The following CMTM6 variants were observed in gnomAD, a reference collection of about 807,000 sequenced individuals.
CMTM6 encodes CKLF-like MARVEL transmembrane domain-containing protein 6.
In CMTM6, 5 loss-of-function variants were observed where a neutral mutation model predicts 13.6. The ratio of observed to expected loss-of-function variants is 0.37; its 90% CI spans 0.19 to 0.77. CMTM6 has a LOEUF of 0.77. Among genes scored for constraint, CMTM6 ranks in the 30% least tolerant of loss-of-function variants. CMTM6 has a pLI of 0.50. For synonymous variants in CMTM6, 99 were observed against 84.5 expected, an observed-to-expected ratio of 1.17 and a Z score of -0.94; for missense variants, 196 against 218.6, an observed-to-expected ratio of 0.90 and a Z score of 0.65.
chr3:32,490,199 T>C lies in CMTM6; in HGVS notation c.315+1511A>G, dbSNP rs558051841. ...AGGTGGAAGATGCAGTGAGCTGCTA[T>C]TGCGCCACTGCACTCCAGCCTGGGT... On this transcript the variant is annotated intron_variant, in intron 2 of 3. Transcript: ENST00000205636. Among the ~76,000 whole-genome samples, 4 of 152,020 alleles carry C rather than the reference T, an allele frequency of 2.6e-5. No individual in the cohort carries two copies. The South Asian group carries it at 8.3e-4, about 32-fold the overall frequency.
At chr3:32,491,112 T>C (rs1697246953) in intron 2 of CMTM6, among the ~76,000 whole-genome samples, 1 of 152,232 alleles carries the variant, frequency 6.6e-6, no homozygotes, top group Non-Finnish European at 1.5e-5. Flanking sequence ...CTCAAGATGG[T>C]AGGGCATTGG....
intron 2 of CMTM6, among the ~76,000 whole-genome samples, chr3:32,491,427 G>A (rs551439052): frequency 6.6e-6 from 1 of 152,318 alleles, no homozygotes; most frequent in East Asian, 1.9e-4. Flanking sequence ...GAAATCAGAA[G>A]TGACAAAATC....
Position 32,491,756 on chromosome 3 carries a change from C to T in CMTM6, c.269G>A (p.Cys90Tyr), listed in dbSNP as rs1341204158. The T allele has an allele frequency of 6.2e-7, 1 of 1,610,490 alleles. No homozygotes were observed. The change falls in exon 2 of 4, where the codon TGC (cysteine) becomes TAC (tyrosine). Residue 90 changes from cysteine to tyrosine, a missense_variant. Physicochemically the swap from Cys to Tyr is radical, Grantham distance 194 (BLOSUM62 -2). Around this residue, in one of 2 missense-constraint regions of CMTM6, gnomAD observed 111 missense variants for 160.0 expected, o/e 0.69. Transcript: ENST00000205636. ...LLSLLILIVY[C>Y]TPFYERVDTT... ...ATCAACTCTCTCATAAAATGGAGTG[C>T]AATACACAATCAGTATAAGGAGACT...
At chr3:32,496,240 A>G (rs1697290037) in intron 1 of CMTM6, among the ~76,000 whole-genome samples, 1 of 150,468 alleles carries the variant, frequency 6.6e-6, no homozygotes, top group African/African-American at 2.4e-5. Flanking sequence ...ACTAGCTCCC[A>G]TCTCAAGTTA....
At chr3:32,486,769 A>T (rs1697209233) in intron 3 of CMTM6, among the ~76,000 whole-genome samples, 1 of 152,174 alleles carries the variant, frequency 6.6e-6, no homozygotes, top group Non-Finnish European at 1.5e-5. Context: ...GGTGGAGCCT[A>T]GCTGGAAGTG....
intron 1 of CMTM6, among the ~76,000 whole-genome samples, chr3:32,494,159 A>T (rs1410991795): frequency 1.3e-5 from 2 of 152,234 alleles, no homozygotes; most frequent in Non-Finnish European, 2.9e-5. Context: ...GTTTGGGGCT[A>T]ACTCTTCTCT....
intron 3 of CMTM6, among the ~76,000 whole-genome samples, chr3:32,486,519 T>C (rs1453021155): frequency 6.6e-6 from 1 of 152,202 alleles, no homozygotes; most frequent in African/African-American, 2.4e-5. Flanking sequence ...TGGTGTTGTG[T>C]AATATAGCAT....
rs1225639005 is a variant in CMTM6 at position 32,491,773 on chromosome 3, A to T, written c.252T>A (p.Leu84=). The change falls in exon 2 of 4, where the codon CTT becomes CTA. Residue 84 remains leucine, a synonymous_variant. Transcript: ENST00000205636. ...ATGGAGTGCAATACACAATCAGTATAAGGAGACTCAGAAGAAAGGCACTGC... is the reference window on the plus strand; with the variant it reads ...ATGGAGTGCAATACACAATCAGTATTAGGAGACTCAGAAGAAAGGCACTGC... ...VSCSAFLLSL[L]ILIVYCTPFY... is the part of the protein sequence containing the mutation. 6.2e-7 allele frequency: 1 copy of T among 1,613,908 alleles called. No individual in the cohort carries two copies. Among genetic ancestry groups the T allele is most frequent in the African/African-American group, 1.3e-5 (1 of 74,926 alleles).
rs562190925 is a variant in CMTM6 at position 32,481,635 on chromosome 3, T to A, written c.*2325A>T. The A allele has an allele frequency of 5.4e-4, 83 of 152,328 alleles. No homozygotes were observed. Among genetic ancestry groups the A allele is most frequent in the African/African-American group, 1.6e-3 (68 of 41,578 alleles). The allele number at this position is 152,328 out of a possible 1,614,324, so 9.4% of individuals were successfully genotyped here. On this transcript the variant is annotated 3_prime_UTR_variant, in exon 4 of 4. Coordinates refer to ENST00000205636, the MANE Select transcript of CMTM6 (RefSeq NM_017801.3). ...GCCATTTTTTTGTACATAACAGTGGTTTCTGGTCCCAAGTTCCCCTTGAAC... is the reference window on the plus strand; with the variant it reads ...GCCATTTTTTTGTACATAACAGTGGATTCTGGTCCCAAGTTCCCCTTGAAC...
rs1697160592 is a variant in CMTM6 at position 32,482,201 on chromosome 3, G to A, written c.*1759C>T. 6.6e-6 allele frequency: 1 copy of A among 152,098 alleles called. No individual in the cohort carries two copies. The highest frequency in any genetic ancestry group is 6.5e-5 in the Admixed American group (1 of 15,274). 9.4% of individuals were successfully genotyped at this position (152,098 alleles called of 1,614,324 possible). A position where few individuals can be genotyped will look rare whatever the true frequency, so the allele number is the denominator to read the frequency against. On this transcript the variant is annotated 3_prime_UTR_variant, in exon 4 of 4. Transcript: ENST00000205636. ...TTCATTATCTCCCAATTAAGTAGTGGTGACACCACCACTAACACTAGTATC... is the reference window on the plus strand; with the variant it reads ...TTCATTATCTCCCAATTAAGTAGTGATGACACCACCACTAACACTAGTATC...
chr3:32,491,644 A>T (rs1004249450), intron 2 of CMTM6, 66 bp downstream of exon 2: 9 of 1,371,810 alleles, frequency 6.6e-6, no homozygotes, highest in Non-Finnish European at 7.9e-6. Flanking sequence ...TACTGCTTTG[A>T]ACAATAAAAT....
intron 3 of CMTM6, among the ~76,000 whole-genome samples, chr3:32,484,567 C>T (rs374898409): frequency 5.5e-4 from 83 of 152,258 alleles, no homozygotes; most frequent in Middle Eastern, 3.4e-3. Flanking sequence ...GGTTAAATTA[C>T]TTAAATAATG....
chr3:32,483,854 A>G lies in CMTM6; in HGVS notation c.*106T>C. On this transcript the variant is annotated 3_prime_UTR_variant, in exon 4 of 4. Coordinates refer to ENST00000205636, the MANE Select transcript of CMTM6 (RefSeq NM_017801.3). ...TTCTTGACCTTCCCCTTGCTCTCCA[A>G]AAGAAGTGGTTTAAACAATTAACAA... 2 of 1,166,462 alleles carry G rather than the reference A, an allele frequency of 1.7e-6. No individual in the cohort carries two copies. 72.3% of individuals were successfully genotyped at this position (1,166,462 alleles called of 1,614,324 possible).
intron 1 of CMTM6, among the ~76,000 whole-genome samples, chr3:32,494,866 G>A (rs896417995): frequency 2.6e-5 from 4 of 152,162 alleles, no homozygotes; most frequent in Admixed American, 6.5e-5. Flanking sequence ...GAAAGGTGTG[G>A]CTACAAAGGG....
intron 1 of CMTM6, among the ~76,000 whole-genome samples, chr3:32,492,098 G>A (rs1294794800): frequency 6.6e-6 from 1 of 152,186 alleles, no homozygotes; most frequent in East Asian, 1.9e-4. Context: ...AACCTATCGT[G>A]TACTAATGCC....
Position 32,491,794 on chromosome 3 carries a change from A to C in CMTM6, c.231T>G (p.Ser77Arg). 6.2e-7 allele frequency: 1 copy of C among 1,613,744 alleles called. No individual in the cohort carries two copies. The highest frequency in any genetic ancestry group is 8.5e-7 in the Non-Finnish European group (1 of 1,179,646). Reference protein sequence around the residue: ...GLYFFEFVSCSAFLLSLLILI... With the variant: ...GLYFFEFVSCRAFLLSLLILI... Reference sequence around the variant, plus strand: ...GTATAAGGAGACTCAGAAGAAAGGCACTGCAGCTTACAAACTCAAAAAAAT... The same window carrying C: ...GTATAAGGAGACTCAGAAGAAAGGCCCTGCAGCTTACAAACTCAAAAAAAT... Residue 77 changes from serine (S) to arginine (R), a missense_variant, in exon 2 of 4, where the codon AGT (serine) becomes AGG (arginine). By Grantham distance (110) the Ser-to-Arg change is moderately radical. Coordinates refer to ENST00000205636, the MANE Select transcript of CMTM6 (RefSeq NM_017801.3).
intron 2 of CMTM6, among the ~76,000 whole-genome samples, chr3:32,489,993 A>T (rs1575137697): frequency 6.6e-6 from 1 of 152,236 alleles, no homozygotes; most frequent in Non-Finnish European, 1.5e-5. Context: ...CTTAAAAAAT[A>T]TTATTCCTTT....
At chr3:32,497,987 A>G (rs371950897) in intron 1 of CMTM6, among the ~76,000 whole-genome samples, 10 of 152,332 alleles carry the variant, frequency 6.6e-5, no homozygotes, top group South Asian at 6.2e-4. Context: ...TAAGAAATTC[A>G]TGGTAAACAT....
rs142461240 is a variant in CMTM6, at chr3:32,482,888, G to A, written c.*1072C>T. On this transcript the variant is annotated 3_prime_UTR_variant, in exon 4 of 4. Transcript: ENST00000205636. ...AGCCAGAGGCCAACCTCTGCTAGAT[G>A]AAGCAGCAGCACATGACTCCATTTC... 25 of 152,230 alleles carry A rather than the reference G, an allele frequency of 1.6e-4. No homozygotes were observed. The highest frequency in any genetic ancestry group is 5.3e-4 in the African/African-American group (22 of 41,516). 9.4% of individuals were successfully genotyped at this position (152,230 alleles called of 1,614,324 possible). A position where few individuals can be genotyped will look rare whatever the true frequency, so the allele number is the denominator to read the frequency against.
Sources: allele counts gnomAD v4.1 joint callset (sites outside exome capture counted in the v4.1 genomes callset), GRCh38; gene constraint gnomAD v4.1.1; regional missense constraint gnomAD v4.1.1; transcripts MANE v1.5; gene names NCBI Gene and HGNC (gene_info 2026-07-23, HGNC 2026-07-21).